The following ZMAT1 variants were observed in gnomAD, a reference collection of about 807,000 sequenced individuals.
The protein encoded by ZMAT1 is zinc finger matrin-type 1, also known as zinc finger matrin-type protein 1.
Under a neutral mutation model 18.5 loss-of-function variants are expected in ZMAT1, and 11 were observed. That is an observed-to-expected ratio of 0.59 (90% confidence interval 0.37 to 0.98). ZMAT1 has a LOEUF of 0.98. Ranked by LOEUF, ZMAT1 falls within the 50% of genes least tolerant of loss-of-function variation. The probability of loss-of-function intolerance (pLI) is 0.01; values close to 1 mark genes in which losing one functional copy is unlikely to be tolerated. For synonymous variants in ZMAT1, 211 were observed against 176.4 expected (o/e 1.20, Z -1.55); for missense variants, 525 against 496.2 (o/e 1.06, Z -0.55).
chrX:101,920,814 A>G (rs1929673020), intron 1 of ZMAT1, among the ~76,000 whole-genome samples: 1 of 111,596 alleles, frequency 9.0e-6, no homozygotes, highest in Non-Finnish European at 1.9e-5. Flanking sequence ...ATTAAAATCA[A>G]AGTATCTGTG....
intron 1 of ZMAT1, among the ~76,000 whole-genome samples, chrX:101,907,488 G>A (rs750509888): frequency 8.9e-5 from 10 of 112,345 alleles, no homozygotes; most frequent in Admixed American, 1.9e-4. Flanking sequence ...AAGTCCTTAC[G>A]TTTCTTTAAA....
intron 1 of ZMAT1, among the ~76,000 whole-genome samples, chrX:101,926,497 G>C (rs913396880): frequency 8.9e-6 from 1 of 112,135 alleles, no homozygotes; most frequent in African/African-American, 3.2e-5. Context: ...AAGATGAAAT[G>C]CATTTTTATG....
intron 1 of ZMAT1, among the ~76,000 whole-genome samples, chrX:101,915,036 A>G (rs936146828): frequency 4.5e-5 from 5 of 111,253 alleles, no homozygotes; most frequent in Non-Finnish European, 9.4e-5. Flanking sequence ...GGTTCAACAT[A>G]TACAAATTAA....
At chrX:101,891,720 T>C (rs1927417969) in intron 4 of ZMAT1, among the ~76,000 whole-genome samples, 1 of 111,092 alleles carries the variant, frequency 9.0e-6, no homozygotes, top group Non-Finnish European at 1.9e-5. Context: ...GAGAGAGTGA[T>C]GTCAAAGGAG....
chrX:101,910,819 G>A (rs1371840000), intron 1 of ZMAT1, among the ~76,000 whole-genome samples: 1 of 111,746 alleles, frequency 8.9e-6, no homozygotes, highest in Non-Finnish European at 1.9e-5. Context: ...TGAGTTGTTG[G>A]CCTGAAAGAG....
At chrX:101,920,220 G>A (rs1296730625) in intron 1 of ZMAT1, among the ~76,000 whole-genome samples, 2 of 109,368 alleles carry the variant, frequency 1.8e-5, no homozygotes, top group Admixed American at 2.0e-4. Flanking sequence ...TTTATTTTTT[G>A]TAGAGACGGG....
At chrX:101,921,092 A>G (rs1929694398) in intron 1 of ZMAT1, among the ~76,000 whole-genome samples, 1 of 111,212 alleles carries the variant, frequency 9.0e-6, no homozygotes, top group Admixed American at 9.6e-5. Context: ...AATTCTCCGA[A>G]GTTGAGGCTA....
intron 4 of ZMAT1, chrX:101,887,893 C>A (rs1268164063): frequency 9.0e-6 from 1 of 111,228 alleles, no homozygotes; most frequent in Admixed American, 9.6e-5. Flanking sequence ...AAAAGGATAC[C>A]CTGGATGACA....
chrX:101,889,680 T>C (rs1467289134), intron 4 of ZMAT1: 1 of 111,748 alleles, frequency 8.9e-6, no homozygotes, highest in African/African-American at 3.3e-5. Flanking sequence ...TAGTCAAGGC[T>C]GAGAACCACT....
chrX:101,913,385 G>A (rs1929088218), intron 1 of ZMAT1, among the ~76,000 whole-genome samples: 1 of 111,125 alleles, frequency 9.0e-6, no homozygotes, highest in Admixed American at 9.6e-5. Flanking sequence ...CCCATCAAAA[G>A]ACACTGACTC....
intron 4 of ZMAT1, chrX:101,888,985 C>T (rs758384934): frequency 8.1e-5 from 9 of 111,455 alleles, no homozygotes; most frequent in Non-Finnish European, 1.3e-4. Flanking sequence ...CAAACTACAT[C>T]AGAAATAATA....
At chrX:101,925,466 A>G (rs909298178) in intron 1 of ZMAT1, among the ~76,000 whole-genome samples, 9 of 112,179 alleles carry the variant, frequency 8.0e-5, no homozygotes, top group African/African-American at 9.7e-5. Flanking sequence ...GGGATGTTGG[A>G]AAAAAATAAA....
At chrX:101,909,668 T>G (rs1032569071) in intron 1 of ZMAT1, among the ~76,000 whole-genome samples, 6 of 112,617 alleles carry the variant, frequency 5.3e-5, no homozygotes, top group African/African-American at 1.9e-4. Context: ...GCCGTGGCTA[T>G]GGGGTGAGGC....
chrX:101,884,921 T>G, intron 5 of ZMAT1, 100 bp from the exon 6 acceptor site: 1 of 510,420 alleles, frequency 2.0e-6, no homozygotes, highest in Non-Finnish European at 3.0e-6. Flanking sequence ...AACAACAAAT[T>G]TAAAAACCCA....
rs888336629 is a variant in ZMAT1 at position 101,931,758 on chromosome X, C to A, written c.251G>T (p.Gly84Val). The A allele has an allele frequency of 1.3e-5, 10 of 769,894 alleles. No homozygotes were observed. Among genetic ancestry groups the A allele is most frequent in the Admixed American group, 8.6e-5 (1 of 11,688 alleles). 63.4% of individuals were successfully genotyped at this position (769,894 alleles called of 1,213,427 possible). The change falls in exon 1 of 6, where the codon GGC (glycine) becomes GTC (valine). Residue 84 changes from glycine (G) to valine (V), a missense_variant. Physicochemically the swap from Gly to Val is moderately radical, Grantham distance 109. Transcript: ENST00000651725. ...GSTMAAAGRG[G>V]SSFKVDTRPC... Reference sequence around the variant, plus strand: ...GCGGGTGTCTACTTTAAAACTACTGCCCCCCCTCCCCGCCGCCGCCATAGT... The same window carrying A: ...GCGGGTGTCTACTTTAAAACTACTGACCCCCCTCCCCGCCGCCGCCATAGT...
chrX:101,920,093 G>A (rs1377620181), intron 1 of ZMAT1, among the ~76,000 whole-genome samples: 1 of 105,558 alleles, frequency 9.5e-6, no homozygotes, highest in Non-Finnish European at 1.9e-5. Context: ...GGGCTGGAGT[G>A]CAGTGGCGCA....
chrX:101,891,272 A>C (rs764110165), intron 4 of ZMAT1, among the ~76,000 whole-genome samples: 1 of 111,706 alleles, frequency 9.0e-6, no homozygotes, highest in South Asian at 3.7e-4. Flanking sequence ...AATCTAGAGA[A>C]GTCTAAAATA....
chrX:101,883,327 G>T lies in ZMAT1; in HGVS notation c.*183C>A. ...CTTATGTTCTTTTCTCAGAGGTTAA[G>T]TTTGGGCTTTTTTTTTCCTTCTTTT... On this transcript the variant is annotated 3_prime_UTR_variant, in exon 6 of 6. Transcript: ENST00000651725. 3.0e-6 allele frequency: 1 copy of T among 330,720 alleles called. No individual in the cohort carries two copies. The highest frequency in any genetic ancestry group is 5.1e-6 in the Non-Finnish European group (1 of 197,061). 27.3% of individuals were successfully genotyped at this position (330,720 alleles called of 1,213,427 possible). A position where few individuals can be genotyped will look rare whatever the true frequency, so the allele number is the denominator to read the frequency against.
intron 2 of ZMAT1, among the ~76,000 whole-genome samples, chrX:101,898,888 A>G (rs1378966377): frequency 3.6e-5 from 4 of 111,545 alleles, no homozygotes; most frequent in Non-Finnish European, 7.5e-5. Context: ...TCTCTACTAA[A>G]AATACAAAAA....
Sources: allele counts gnomAD v4.1 joint callset (sites outside exome capture counted in the v4.1 genomes callset), GRCh38; gene constraint gnomAD v4.1.1; transcripts MANE v1.5; gene names NCBI Gene and HGNC (gene_info 2026-07-23, HGNC 2026-07-21).